TEX15: variants seen among roughly 807,000 people sequenced by gnomAD.
The protein encoded by TEX15 is testis-expressed protein 15.
TEX15 carries 171 observed loss-of-function variants against 237.3 expected under a neutral mutation model. The observed-to-expected ratio is 0.72, with a 90% confidence interval of 0.64 to 0.82. The LOEUF is 0.82. Ranked by LOEUF, TEX15 falls within the 40% of genes least tolerant of loss-of-function variation. The pLI, the probability that TEX15 is intolerant of heterozygous loss-of-function variation, is 0.00. For synonymous variants in TEX15, 1,338 were observed against 1,269.8 expected, an observed-to-expected ratio of 1.05 and a Z score of -1.14; for missense variants, 3,750 against 3,646.5, an observed-to-expected ratio of 1.03 and a Z score of -0.73.
At position 30,871,773 on chromosome 8, in the gene TEX15, C is replaced by T. The variant is rs377128630; in HGVS notation, c.302+3164G>A. Reference sequence around the variant, plus strand: ...TCTCACTGAATTACTACATCCAACTCCAGATCCATGATGATCACATGGATG... The same window carrying T: ...TCTCACTGAATTACTACATCCAACTTCAGATCCATGATGATCACATGGATG... On this transcript the variant is annotated intron_variant, in intron 4 of 10. Transcript: ENST00000643185. 9.2e-5 allele frequency among the ~76,000 whole-genome samples: 14 copies of T among 152,218 alleles called. No homozygotes were observed. The East Asian group carries it at 2.1e-3, about 23-fold the overall frequency.
intron 5 of TEX15, among the ~76,000 whole-genome samples, chr8:30,861,144 A>C (rs1808042874): frequency 6.6e-6 from 1 of 152,186 alleles, no homozygotes; most frequent in Non-Finnish European, 1.5e-5. Flanking sequence ...TACCGTTTGA[A>C]ATAAAGAAGT....
chr8:30,854,198 G>A (rs558814387), intron 7 of TEX15, among the ~76,000 whole-genome samples: 1 of 145,796 alleles, frequency 6.9e-6, no homozygotes, highest in South Asian at 2.2e-4. Context: ...ACCAAAATTG[G>A]TTCTTTGAAA....
chr8:30,884,433 A>G (rs577436857), intron 3 of TEX15, among the ~76,000 whole-genome samples: 5 of 152,306 alleles, frequency 3.3e-5, no homozygotes, highest in African/African-American at 1.2e-4. Flanking sequence ...TTAAATGTCT[A>G]CTAGTACTCA....
chr8:30,904,535 A>C (rs1261428959), intron 1 of TEX15, among the ~76,000 whole-genome samples: 2 of 152,212 alleles, frequency 1.3e-5, no homozygotes, highest in African/African-American at 4.8e-5. Flanking sequence ...AATGTAGGAA[A>C]ATAGCTATAT....
Position 30,841,985 on chromosome 8 carries a change from TG to T in TEX15, c.8163+18del, listed in dbSNP as rs780655633. The T allele has an allele frequency of 6.7e-7, 1 of 1,494,606 alleles. No individual in the cohort carries two copies. Among genetic ancestry groups the T allele is most frequent in the Non-Finnish European group, 9.0e-7 (1 of 1,115,856 alleles). 92.6% of individuals were successfully genotyped at this position (1,494,606 alleles called of 1,614,324 possible). Reference sequence around the variant, plus strand: ...TCAAAAAGAATACTTATAAAAGTTTTGTTTTAAAACATACATACCTTTAGCT... The same window carrying T: ...TCAAAAAGAATACTTATAAAAGTTTTTTTTAAAACATACATACCTTTAGCT... On this transcript the variant is annotated intron_variant, in intron 8 of 10. Coordinates refer to ENST00000643185, the MANE Select transcript of TEX15 (RefSeq NM_001350162.2).
intron 7 of TEX15, among the ~76,000 whole-genome samples, 156 bp downstream of exon 7, chr8:30,858,512 A>T (rs949682069): frequency 6.6e-6 from 1 of 152,082 alleles, no homozygotes; most frequent in Non-Finnish European, 1.5e-5. Flanking sequence ...GGGTTTTGCT[A>T]TGTTGGCCAG....
chr8:30,860,488 T>A (rs1359915561), intron 5 of TEX15, among the ~76,000 whole-genome samples: 1 of 151,660 alleles, frequency 6.6e-6, no homozygotes, highest in Non-Finnish European at 1.5e-5. Context: ...TGACTCAACA[T>A]GGCAATTATG....
At chr8:30,840,915 TTATATA>T (rs1368479087) in intron 8 of TEX15, among the ~76,000 whole-genome samples, 1 of 152,082 alleles carries the variant, frequency 6.6e-6, no homozygotes, top group African/African-American at 2.4e-5. Flanking sequence ...AATTTAAAAA[TTATATA>T]TATAAATTTT....
At position 30,838,012 on chromosome 8, in the gene TEX15, A is replaced by G; in HGVS notation, c.8272T>C (p.Cys2758Arg). 1.9e-6 allele frequency: 3 copies of G among 1,613,976 alleles called. No homozygotes were observed. Among genetic ancestry groups the G allele is most frequent in the Non-Finnish European group, 2.5e-6 (3 of 1,179,974 alleles). ...AAATGATTTCTTTTCAGACTGTCAC[A>G]TGAACTTGGTACTATTTTGTTTTCG... ...KSENKIVPSS[C>R]DSLKRNHLTP... The change falls in exon 10 of 11, where the codon TGT becomes CGT. Residue 2758 changes from cysteine to arginine, a missense_variant. Cys to Arg is a radical substitution (Grantham distance 180, BLOSUM62 -3). Transcript: ENST00000643185.
Position 30,848,499 on chromosome 8 carries a change from G to A in TEX15, c.1668C>T (p.His556=). 1 of 1,614,090 alleles carries A rather than the reference G, an allele frequency of 6.2e-7. No individual in the cohort carries two copies. The highest frequency in any genetic ancestry group is 8.5e-7 in the Non-Finnish European group (1 of 1,179,994). ...NVVSEVENQN[H]SEEKAQRAQQ... ...GGGCTCTCTGAGCCTTCTCCTCACT[G>A]TGGTTTTGGTTCTCAACCTCTGACA... The change falls in exon 8 of 11, where the codon CAC becomes CAT. Residue 556 remains histidine (H), a synonymous_variant. Transcript: ENST00000643185.
chr8:30,837,895 T>A lies in TEX15; in HGVS notation c.8389A>T (p.Ser2797Cys), dbSNP rs1414309597. The A allele has an allele frequency of 6.2e-7, 1 of 1,614,214 alleles. No homozygotes were observed. Residue 2797 changes from serine to cysteine, a missense_variant, in exon 10 of 11, where the codon AGC (serine) becomes TGC (cysteine). Physicochemically the swap from Ser to Cys is moderately radical, Grantham distance 112. Coordinates refer to ENST00000643185, the MANE Select transcript of TEX15 (RefSeq NM_001350162.2). ...PKDTCASKSE[S>C]KIDLTVSSDH... The stretch of plus-strand genomic sequence containing the variant: ...GATGAAACAGTTAAGTCTATTTTGC[T>A]TTCCGACTTTGATGCGCAAGTGTCT...
At position 30,843,183 on chromosome 8, in the gene TEX15, G is replaced by A. The variant is rs764371700; in HGVS notation, c.6984C>T (p.Ser2328=). Reference sequence around the variant, plus strand: ...TAGTATCCTCCTCAAGCCCAATAGGGGAAATTGGTTCATTGTTTAAATCTT... The same window carrying A: ...TAGTATCCTCCTCAAGCCCAATAGGAGAAATTGGTTCATTGTTTAAATCTT... The part of the protein sequence containing the change: ...LSKDLNNEPI[S]PIGLEEDTII... Residue 2328 remains serine, a synonymous_variant, in exon 8 of 11, where the codon TCC becomes TCT. Transcript: ENST00000643185. The A allele has an allele frequency of 6.2e-7, 1 of 1,613,328 alleles. No individual in the cohort carries two copies. The highest frequency in any genetic ancestry group is 1.7e-5 in the Admixed American group (1 of 59,956).
At chr8:30,886,599 G>GGT (rs1352612037) in intron 3 of TEX15, among the ~76,000 whole-genome samples, 40 of 152,274 alleles carry the variant, frequency 2.6e-4, no homozygotes, top group Middle Eastern at 6.8e-3. Flanking sequence ...GAAGGAAAGG[G>GGT]GTACCTTGTT....
rs1421856308 is a variant in TEX15 at position 30,867,648 on chromosome 8, T to A, written c.303-146A>T. 3 of 590,538 alleles carry A rather than the reference T, an allele frequency of 5.1e-6. No homozygotes were observed. In the African/African-American group the frequency reaches 5.6e-5, roughly 11 times the overall value. 36.6% of individuals were successfully genotyped at this position (590,538 alleles called of 1,614,324 possible). A position where few individuals can be genotyped will look rare whatever the true frequency, so the allele number is the denominator to read the frequency against. ...ACTACACTGTGATGATAAATTTGGTTGAAAATCATCTTAGGAACAAATTCA... is the reference window on the plus strand; with the variant it reads ...ACTACACTGTGATGATAAATTTGGTAGAAAATCATCTTAGGAACAAATTCA... On this transcript the variant is annotated intron_variant, in intron 4 of 10. Transcript: ENST00000643185.
chr8:30,861,533 G>GT (rs1808050874), intron 5 of TEX15, among the ~76,000 whole-genome samples: 1 of 152,112 alleles, frequency 6.6e-6, no homozygotes, highest in South Asian at 2.1e-4. Context: ...ACAAACATGA[G>GT]TAGAAAAATT....
intron 1 of TEX15, among the ~76,000 whole-genome samples, chr8:30,904,218 G>A (rs1010687691): frequency 6.6e-6 from 1 of 152,180 alleles, no homozygotes; most frequent in Non-Finnish European, 1.5e-5. Flanking sequence ...AGGCTCAGGT[G>A]GGTGGATCAA....
At chr8:30,861,824 C>T (rs761604892) in intron 5 of TEX15, among the ~76,000 whole-genome samples, 1 of 151,978 alleles carries the variant, frequency 6.6e-6, no homozygotes, top group African/African-American at 2.4e-5. Flanking sequence ...TAATGCTCAC[C>T]AGTCAACGCA....
intron 7 of TEX15, among the ~76,000 whole-genome samples, chr8:30,852,980 C>G (rs1185669590): frequency 6.6e-6 from 1 of 152,064 alleles, no homozygotes; most frequent in Non-Finnish European, 1.5e-5. Flanking sequence ...TGACTAGTGG[C>G]TACTGTATTA....
At chr8:30,891,417 C>G (rs992809528) in intron 2 of TEX15, among the ~76,000 whole-genome samples, 3 of 152,124 alleles carry the variant, frequency 2.0e-5, no homozygotes, top group Non-Finnish European at 2.9e-5. Flanking sequence ...GTAGTTTTTA[C>G]TTTCTGCCAA....
Sources: gnomAD v4.1 joint callset for allele counts (sites outside exome capture counted in the v4.1 genomes callset) on GRCh38, gnomAD v4.1.1 for gene constraint, MANE v1.5 for transcripts, NCBI Gene and HGNC (gene_info 2026-07-23, HGNC 2026-07-21) for gene names.